Variants in PGCKA1 observed in about 807,000 individuals in gnomAD.
PGCKA1 encodes PDCD10 and GCKIII kinases associated 1.
chr4:37,577,053 A>G, the PGCKA1 span, among the ~76,000 whole-genome samples: 3 of 151,650 alleles, frequency 2.0e-5, no homozygotes, highest in Non-Finnish European at 4.4e-5. Flanking sequence ...CTTTTTTTTG[A>G]TGTGTCTTTG....
chr4:37,546,009 G>A, the PGCKA1 span, among the ~76,000 whole-genome samples: 1 of 152,150 alleles, frequency 6.6e-6, no homozygotes, highest in Non-Finnish European at 1.5e-5. Flanking sequence ...AACTTCCATT[G>A]TAGTGGCTGG....
the PGCKA1 span, among the ~76,000 whole-genome samples, chr4:37,520,657 G>T: frequency 6.6e-6 from 1 of 150,712 alleles, no homozygotes; most frequent in Non-Finnish European, 1.5e-5. Context: ...TCACTCTGTT[G>T]CCCAGGCTGG....
the PGCKA1 span, among the ~76,000 whole-genome samples, chr4:37,586,745 A>T: frequency 6.6e-6 from 1 of 152,160 alleles, no homozygotes; most frequent in African/African-American, 2.4e-5. Context: ...CCTCATCTCT[A>T]CTAAAAATAT....
chr4:37,501,605 C>A, the PGCKA1 span, among the ~76,000 whole-genome samples: 1 of 152,180 alleles, frequency 6.6e-6, no homozygotes, highest in Non-Finnish European at 1.5e-5. Context: ...ATGGTCTTTC[C>A]TTTACATATT....
chr4:37,550,002 C>T, the PGCKA1 span, among the ~76,000 whole-genome samples: 1 of 152,308 alleles, frequency 6.6e-6, no homozygotes, highest in African/African-American at 2.4e-5. Context: ...CTAGTATATA[C>T]ATCAAGTCAC....
the PGCKA1 span, among the ~76,000 whole-genome samples, chr4:37,577,056 T>G: frequency 2.0e-5 from 3 of 152,248 alleles, no homozygotes; most frequent in Admixed American, 6.5e-5. Context: ...TTTTTTGATG[T>G]GTCTTTGTCT....
chr4:37,516,323 C>G, the PGCKA1 span, among the ~76,000 whole-genome samples: 1 of 152,182 alleles, frequency 6.6e-6, no homozygotes, highest in African/African-American at 2.4e-5. Flanking sequence ...ATTCCTGAAC[C>G]CATTCAGGTT....
the PGCKA1 span, among the ~76,000 whole-genome samples, chr4:37,468,616 C>G: frequency 6.6e-6 from 1 of 152,174 alleles, no homozygotes; most frequent in African/African-American, 2.4e-5. Flanking sequence ...CTCTCTGCCT[C>G]CCATTTTGCA....
the PGCKA1 span, among the ~76,000 whole-genome samples, chr4:37,459,561 C>G: frequency 1.3e-5 from 2 of 152,240 alleles, no homozygotes; most frequent in South Asian, 2.1e-4. Context: ...TCCAATAAGC[C>G]AGTAAGCTTT....
the PGCKA1 span, among the ~76,000 whole-genome samples, chr4:37,457,684 AT>A: frequency 1.3e-5 from 2 of 152,354 alleles, no homozygotes; most frequent in African/African-American, 4.8e-5. Context: ...ATTTGGTCAG[AT>A]TGTCAACAAC....
At chr4:37,546,694 C>T in the PGCKA1 span, among the ~76,000 whole-genome samples, 575 of 152,306 alleles carry the variant, frequency 3.8e-3, 1 homozygote, top group African/African-American at 0.013. Context: ...GACCGGGAAG[C>T]GAGGTGACTG....
chr4:37,533,175 A>T, the PGCKA1 span, among the ~76,000 whole-genome samples: 1 of 152,236 alleles, frequency 6.6e-6, no homozygotes, highest in Non-Finnish European at 1.5e-5. Context: ...TCTATTTCCA[A>T]GTATCTTTGG....
At chr4:37,559,158 C>T in the PGCKA1 span, among the ~76,000 whole-genome samples, 65 of 97,590 alleles carry the variant, frequency 6.7e-4, no homozygotes, top group Admixed American at 1.5e-3. Context: ...ATGTTTATTG[C>T]GGCACTATTC....
the PGCKA1 span, among the ~76,000 whole-genome samples, chr4:37,497,275 A>G: frequency 1.3e-5 from 2 of 152,112 alleles, no homozygotes; most frequent in East Asian, 3.9e-4. Context: ...ATTCCTTTTT[A>G]TGGTTGGGTA....
the PGCKA1 span, among the ~76,000 whole-genome samples, chr4:37,493,213 G>GTGTT: frequency 5.9e-5 from 9 of 152,134 alleles, no homozygotes; most frequent in African/African-American, 2.2e-4. Flanking sequence ...TCTTTACCTG[G>GTGTT]TGTTTCACCA....
At chr4:37,470,554 C>CTT in the PGCKA1 span, among the ~76,000 whole-genome samples, 59 of 152,280 alleles carry the variant, frequency 3.9e-4, 1 homozygote, top group South Asian at 0.012. Context: ...TTATTAAATA[C>CTT]TTGCAAATGC....
the PGCKA1 span, among the ~76,000 whole-genome samples, chr4:37,483,189 C>T: frequency 2.0e-4 from 31 of 152,102 alleles, no homozygotes; most frequent in Admixed American, 5.2e-4. Context: ...CTTCCTGACA[C>T]CATGTGAAGA....
chr4:37,478,843 T>G, the PGCKA1 span, among the ~76,000 whole-genome samples: 1 of 152,228 alleles, frequency 6.6e-6, no homozygotes, highest in Admixed American at 6.5e-5. Flanking sequence ...GAAGGTGTCT[T>G]CTTTTCTCAA....
At chr4:37,536,095 G>C in the PGCKA1 span, among the ~76,000 whole-genome samples, 1 of 152,204 alleles carries the variant, frequency 6.6e-6, no homozygotes, top group African/African-American at 2.4e-5. Context: ...AACTGGGTGT[G>C]ACACGAGTAC....
Sources: gnomAD v4.1 joint callset for allele counts (sites outside exome capture counted in the v4.1 genomes callset) on GRCh38, gnomAD v4.1.1 for gene constraint, MANE v1.5 for transcripts, NCBI Gene and HGNC (gene_info 2026-07-23, HGNC 2026-07-21) for gene names.